The following ASH1L variants were observed in gnomAD, a reference collection of about 807,000 sequenced individuals.
The protein encoded by ASH1L is ASH1 like histone lysine methyltransferase, also known as histone-lysine N-methyltransferase ASH1L.
A neutral mutation model predicts 269.0 loss-of-function variants in ASH1L; 23 were observed. The ratio of observed to expected loss-of-function variants is 0.09; its 90% CI spans 0.06 to 0.12. The LOEUF (loss-of-function observed/expected upper bound fraction) is 0.12. ASH1L is among the 10% of genes least tolerant of loss of function. The pLI is 1.00. For synonymous variants in ASH1L, 1,187 were observed against 1,253.5 expected (o/e 0.95, Z 1.12); for missense variants, 2,912 against 3,567.8 (o/e 0.82, Z 4.68).
At chr1:155,451,360 T>G (rs989982142) in intron 4 of ASH1L, among the ~76,000 whole-genome samples, 3 of 152,186 alleles carry the variant, frequency 2.0e-5, no homozygotes, top group African/African-American at 7.2e-5. Context: ...AAGTTCTTAT[T>G]TAATGGATAC....
chr1:155,420,714 G>A (rs1660604730), intron 5 of ASH1L, among the ~76,000 whole-genome samples: 1 of 151,944 alleles, frequency 6.6e-6, no homozygotes, highest in South Asian at 2.1e-4. Flanking sequence ...GCCAGGCATG[G>A]TGCCAGGCAC....
intron 6 of ASH1L, among the ~76,000 whole-genome samples, chr1:155,413,127 G>A (rs1226237378): frequency 6.6e-6 from 1 of 151,866 alleles, no homozygotes; most frequent in Non-Finnish European, 1.5e-5. Flanking sequence ...AATTAGATGT[G>A]TCCCAAAGTG....
intron 7 of ASH1L, among the ~76,000 whole-genome samples, chr1:155,380,428 C>G (rs938219440): frequency 6.6e-6 from 1 of 152,032 alleles, no homozygotes; most frequent in Admixed American, 6.6e-5. Context: ...ATTAAGGGTA[C>G]AGCATCTGGC....
At chr1:155,477,498 A>T (rs1232730759) in intron 3 of ASH1L, among the ~76,000 whole-genome samples, 3 of 110,908 alleles carry the variant, frequency 2.7e-5, no homozygotes, top group African/African-American at 1.0e-4. Flanking sequence ...TCCTTCCAGC[A>T]TTACCTTTTA....
chr1:155,528,161 C>A (rs1322471271), intron 1 of ASH1L, among the ~76,000 whole-genome samples: 3 of 152,158 alleles, frequency 2.0e-5, no homozygotes, highest in Non-Finnish European at 4.4e-5. Context: ...AGGCACTTAA[C>A]ATGTTTAAAA....
chr1:155,526,015 ATTGTT>A (rs1042867366), intron 1 of ASH1L, among the ~76,000 whole-genome samples: 26 of 152,234 alleles, frequency 1.7e-4, no homozygotes, highest in African/African-American at 6.0e-4. Flanking sequence ...TTATTATTGT[ATTGTT>A]ATTTTTAATT....
At position 155,370,222 on chromosome 1, in the gene ASH1L, T is replaced by A. The variant is rs907320348; in HGVS notation, c.6686+282A>T. 17 of 425,712 alleles carry A rather than the reference T, an allele frequency of 4.0e-5. No individual in the cohort carries two copies. In the Admixed American group the frequency reaches 5.0e-4, roughly 13 times the overall value. 26.4% of individuals were successfully genotyped at this position (425,712 alleles called of 1,614,324 possible). Reference sequence around the variant, plus strand: ...CTGGCTATCATCATCATCATTATTATATTTTTCTAGGACATAGATCCTGAA... The same window carrying A: ...CTGGCTATCATCATCATCATTATTAAATTTTTCTAGGACATAGATCCTGAA... On this transcript the variant is annotated intron_variant, in intron 12 of 27. Transcript: ENST00000392403.
At chr1:155,544,754 CTT>C (rs1384719939) in intron 1 of ASH1L, among the ~76,000 whole-genome samples, 1 of 151,860 alleles carries the variant, frequency 6.6e-6, no homozygotes, top group African/African-American at 2.4e-5. Context: ...ATTAATATAT[CTT>C]AATATAAAAT....
At chr1:155,363,232 C>T (rs1249640547) in intron 12 of ASH1L, among the ~76,000 whole-genome samples, 1 of 152,148 alleles carries the variant, frequency 6.6e-6, no homozygotes, top group Admixed American at 6.6e-5. Flanking sequence ...ATCCGCCTGC[C>T]TTGGCCTCCC....
intron 5 of ASH1L, among the ~76,000 whole-genome samples, chr1:155,418,893 C>T (rs372234373): frequency 1.3e-5 from 2 of 151,312 alleles, no homozygotes; most frequent in Non-Finnish European, 2.9e-5. Flanking sequence ...CACGGCGAAA[C>T]CCCGACTCTA....
At chr1:155,541,121 C>G (rs1670401263) in intron 1 of ASH1L, among the ~76,000 whole-genome samples, 1 of 152,124 alleles carries the variant, frequency 6.6e-6, no homozygotes, top group African/African-American at 2.4e-5. Context: ...TCCATATCTT[C>G]CACTAGACCA....
chr1:155,562,987 G>A (rs1429409952), upstream of ASH1L: 1 of 457,938 alleles, frequency 2.2e-6, no homozygotes, highest in East Asian at 6.9e-5. Flanking sequence ...GCAGGGGCAG[G>A]AGAGGAAGGG....
At chr1:155,378,250 A>G in intron 10 of ASH1L, 31 bp downstream of exon 10, 1 of 1,558,722 alleles carries the variant, frequency 6.4e-7, no homozygotes, top group Non-Finnish European at 8.9e-7. Context: ...CTTAAAGCCT[A>G]TGCTTTAGAG....
intron 1 of ASH1L, among the ~76,000 whole-genome samples, chr1:155,543,325 A>G (rs1670567487): frequency 6.6e-6 from 1 of 151,742 alleles, no homozygotes; most frequent in Non-Finnish European, 1.5e-5. Flanking sequence ...AGCCTGGCCA[A>G]CATGGTGAAA....
intron 10 of ASH1L, among the ~76,000 whole-genome samples, chr1:155,373,033 C>T (rs1457416368): frequency 2.0e-5 from 3 of 151,610 alleles, no homozygotes; most frequent in South Asian, 2.1e-4. Context: ...ACCAAGGTGG[C>T]GAAACCCCAT....
chr1:155,407,209 C>T (rs1315174979), intron 6 of ASH1L, among the ~76,000 whole-genome samples: 1 of 151,744 alleles, frequency 6.6e-6, no homozygotes, highest in African/African-American at 2.4e-5. Flanking sequence ...GGAGACAGAG[C>T]GAGACTCCGT....
rs748490999 is a variant in ASH1L at position 155,478,493 on chromosome 1, G to A, written c.4377C>T (p.Pro1459=). 2 of 1,614,136 alleles carry A rather than the reference G, an allele frequency of 1.2e-6. No homozygotes were observed. Among genetic ancestry groups the A allele is most frequent in the South Asian group, 1.1e-5 (1 of 91,066 alleles). ...QEAFLTTSRT[P]LLSMSTYPSV... is the part of the protein sequence containing the mutation. The stretch of plus-strand genomic sequence containing the variant: ...TGGGGTAGGTACTCATGGAAAGGAG[G>A]GGAGTCCTGCTGGTTGTAAGAAAGG... Residue 1459 remains proline (P), a synonymous_variant, in exon 3 of 28, where the codon CCC becomes CCT. Transcript: ENST00000392403. This position sits in a 1 kb window ranked among gnomAD's most constrained non-coding sequence, Gnocchi z 4.6.
chr1:155,495,503 T>G (rs1667086150), intron 2 of ASH1L, among the ~76,000 whole-genome samples: 1 of 152,016 alleles, frequency 6.6e-6, no homozygotes, highest in African/African-American at 2.4e-5. Flanking sequence ...AAGATAAAAA[T>G]CTACTTATAG....
At chr1:155,362,845 TTTC>T (rs1424290688) in intron 12 of ASH1L, among the ~76,000 whole-genome samples, 1 of 152,186 alleles carries the variant, frequency 6.6e-6, no homozygotes, top group African/African-American at 2.4e-5. Flanking sequence ...ACTCAGCCTT[TTTC>T]TTCTTGTCTC....
Sources: gnomAD v4.1 joint callset for allele counts (sites outside exome capture counted in the v4.1 genomes callset) on GRCh38, gnomAD v4.1.1 for gene constraint, Gnocchi (gnomAD v3.1) non-coding constraint, MANE v1.5 for transcripts, NCBI Gene and HGNC (gene_info 2026-07-23, HGNC 2026-07-21) for gene names.